The following FOXP1 variants were observed in gnomAD, a reference collection of about 807,000 sequenced individuals.
FOXP1 encodes the protein forkhead box P1.
In FOXP1, 15 loss-of-function variants were observed where a neutral mutation model predicts 98.2. That is an observed-to-expected ratio of 0.15 (90% confidence interval 0.10 to 0.24). The LOEUF (loss-of-function observed/expected upper bound fraction) is 0.24, where lower values mean the gene tolerates loss of function less well. Ranked by LOEUF, FOXP1 falls within the 10% of genes least tolerant of loss-of-function variation. The probability of loss-of-function intolerance (pLI) is 1.00; values close to 1 mark genes in which losing one functional copy is unlikely to be tolerated. For synonymous variants in FOXP1, 371 were observed against 314.5 expected (o/e 1.18, Z -1.90); for missense variants, 633 against 848.5 (o/e 0.75, Z 3.15).
intron 20 of FOXP1, among the ~76,000 whole-genome samples, chr3:70,961,405 A>AT (rs1201241805): frequency 6.6e-6 from 1 of 151,332 alleles, no homozygotes; most frequent in Non-Finnish European, 1.5e-5. Context: ...TAATTTTTGT[A>AT]TTTTTAGTAC....
chr3:71,390,618 A>G (rs1186675955), intron 3 of FOXP1, among the ~76,000 whole-genome samples: 1 of 152,000 alleles, frequency 6.6e-6, no homozygotes, highest in Non-Finnish European at 1.5e-5. Flanking sequence ...ATTCTATAGG[A>G]AGAGAAAAAC....
At chr3:70,973,709 G>C (rs1164485087) in intron 17 of FOXP1, among the ~76,000 whole-genome samples, 1 of 152,064 alleles carries the variant, frequency 6.6e-6, no homozygotes, top group Non-Finnish European at 1.5e-5. Context: ...TTCTTATTCA[G>C]AGTAAGTAGA....
chr3:71,099,544 C>G (rs569622376), intron 7 of FOXP1, among the ~76,000 whole-genome samples: 10 of 152,084 alleles, frequency 6.6e-5, no homozygotes, highest in Admixed American at 5.2e-4. Flanking sequence ...CAAAACAAAA[C>G]AAAAAAACCC....
At chr3:71,016,270 AG>A (rs1364815344) in intron 11 of FOXP1, among the ~76,000 whole-genome samples, 1 of 152,154 alleles carries the variant, frequency 6.6e-6, no homozygotes, top group Non-Finnish European at 1.5e-5. Context: ...CAACAGTGAG[AG>A]AAAATTTGGC....
At chr3:71,185,176 G>A (rs2062572183) in intron 6 of FOXP1, among the ~76,000 whole-genome samples, 2 of 151,844 alleles carry the variant, frequency 1.3e-5, no homozygotes, top group African/African-American at 2.4e-5. Context: ...CTGGATGACA[G>A]ACCACGACTC....
chr3:71,261,963 T>A (rs972574905), intron 5 of FOXP1, among the ~76,000 whole-genome samples: 1 of 152,096 alleles, frequency 6.6e-6, no homozygotes, highest in African/African-American at 2.4e-5. Context: ...ATTTGTTTGC[T>A]GAACAAATAT....
At chr3:71,130,050 A>T (rs574073023) in intron 6 of FOXP1, among the ~76,000 whole-genome samples, 1 of 152,330 alleles carries the variant, frequency 6.6e-6, no homozygotes, top group South Asian at 2.1e-4. Flanking sequence ...ACAAATGATG[A>T]CGGTGTCGTG....
chr3:70,984,710 A>G (rs1377483662), intron 14 of FOXP1, among the ~76,000 whole-genome samples: 2 of 152,168 alleles, frequency 1.3e-5, no homozygotes, highest in African/African-American at 2.4e-5. Context: ...TTAGGTTTAA[A>G]GAGATGTGAT....
At chr3:71,000,224 G>A (rs2041937639) in intron 13 of FOXP1, among the ~76,000 whole-genome samples, 2 of 151,544 alleles carry the variant, frequency 1.3e-5, no homozygotes, top group Admixed American at 1.3e-4. Flanking sequence ...GTGATTCCCA[G>A]GAAAATCTGC....
At chr3:71,009,298 GACACCAAAAA>G (rs1576114681) in intron 12 of FOXP1, among the ~76,000 whole-genome samples, 1 of 151,994 alleles carries the variant, frequency 6.6e-6, no homozygotes, top group East Asian at 1.9e-4. Context: ...ATATGTTGGT[GACACCAAAAA>G]TGGTACAGCA....
At chr3:71,538,153 C>T (rs1170354796) in intron 2 of FOXP1, among the ~76,000 whole-genome samples, 2 of 152,184 alleles carry the variant, frequency 1.3e-5, no homozygotes, top group African/African-American at 2.4e-5. Flanking sequence ...GCAGACAGAT[C>T]GTGAAATCTT....
intron 6 of FOXP1, among the ~76,000 whole-genome samples, chr3:71,113,390 A>G (rs57362929): frequency 0.023 from 3,542 of 152,294 alleles, 152 homozygotes; most frequent in African/African-American, 0.081. Context: ...GGAAGAAAAC[A>G]GAAGAGTCCT....
At chr3:71,003,980 T>C (rs1292007006) in intron 12 of FOXP1, among the ~76,000 whole-genome samples, 1 of 152,074 alleles carries the variant, frequency 6.6e-6, no homozygotes, top group Admixed American at 6.6e-5. Context: ...CAAGCTGACT[T>C]TGGGAATTTC....
At chr3:71,334,150 G>A (rs905115108) in intron 4 of FOXP1, 2 of 152,242 alleles carry the variant, frequency 1.3e-5, no homozygotes, top group African/African-American at 2.4e-5. Flanking sequence ...GCTCACGCCT[G>A]TTATCCCACC....
At chr3:71,577,480 C>T (rs1307263051) in intron 2 of FOXP1, among the ~76,000 whole-genome samples, 1 of 151,918 alleles carries the variant, frequency 6.6e-6, no homozygotes, top group Admixed American at 6.6e-5. Flanking sequence ...GCAGAAGATA[C>T]CCCAAATTTC....
chr3:71,441,359 G>A (rs2085923471), intron 3 of FOXP1, among the ~76,000 whole-genome samples: 1 of 152,240 alleles, frequency 6.6e-6, no homozygotes, highest in South Asian at 2.1e-4. Flanking sequence ...ATCCCACCGT[G>A]CACAGCACAG....
At chr3:71,508,116 C>G (rs895059288) in intron 2 of FOXP1, among the ~76,000 whole-genome samples, 4 of 152,114 alleles carry the variant, frequency 2.6e-5, no homozygotes, top group Non-Finnish European at 5.9e-5. Flanking sequence ...AGTGCTGCTG[C>G]CTATAAACTT....
chr3:70,995,186 T>A (rs943944620), intron 13 of FOXP1, among the ~76,000 whole-genome samples: 29 of 152,150 alleles, frequency 1.9e-4, no homozygotes, highest in African/African-American at 7.0e-4. Context: ...ACCCAAGTAA[T>A]CTGGATTCAT....
intron 7 of FOXP1, among the ~76,000 whole-genome samples, chr3:71,075,825 C>T (rs1027072525): frequency 2.0e-5 from 3 of 152,104 alleles, no homozygotes; most frequent in Non-Finnish European, 4.4e-5. Context: ...AAGGATCCTC[C>T]GGCCTTAGCC....
Sources: allele counts gnomAD v4.1 joint callset (sites outside exome capture counted in the v4.1 genomes callset), GRCh38; gene constraint gnomAD v4.1.1; transcripts MANE v1.5; gene names NCBI Gene and HGNC (gene_info 2026-07-23, HGNC 2026-07-21).